Variants in CEP20 observed in about 807,000 individuals in gnomAD.
CEP20 encodes centrosomal protein 20.
CEP20 carries 18 observed loss-of-function variants against 20.0 expected under a neutral mutation model. The observed-to-expected ratio is 0.90, with a 90% confidence interval of 0.62 to 1.34. The LOEUF (loss-of-function observed/expected upper bound fraction) is 1.34, where lower values mean the gene tolerates loss of function less well. Among genes scored for constraint, CEP20 ranks in the 40% most tolerant of loss-of-function variants. The pLI is 0.00. For missense variants in CEP20, 215 were observed against 201.6 expected (o/e 1.07, Z -0.40); for synonymous variants, 77 against 73.7 (o/e 1.04, Z -0.23).
intron 2 of CEP20, among the ~76,000 whole-genome samples, chr16:15,881,606 A>AATCC (rs2045099171): frequency 6.6e-6 from 1 of 152,114 alleles, no homozygotes; most frequent in Non-Finnish European, 1.5e-5. Flanking sequence ...GAAACGAGGG[A>AATCC]ATCCGATGAC....
At chr16:15,877,963 G>C (rs2044996668) in intron 3 of CEP20, among the ~76,000 whole-genome samples, 1 of 152,066 alleles carries the variant, frequency 6.6e-6, no homozygotes, top group South Asian at 2.1e-4. Flanking sequence ...AGGAGGCTGA[G>C]GCAGAATCAG....
intron 2 of CEP20, among the ~76,000 whole-genome samples, chr16:15,883,395 T>C (rs2045158471): frequency 6.6e-6 from 1 of 152,050 alleles, no homozygotes; most frequent in South Asian, 2.1e-4. Flanking sequence ...GGTCTCTCTC[T>C]GTTGCCCAGA....
chr16:15,888,587 T>C lies in CEP20; in HGVS notation c.-2A>G. On this transcript the variant is annotated 5_prime_UTR_variant, in exon 1 of 5. Coordinates refer to ENST00000255759, the MANE Select transcript of CEP20 (RefSeq NM_144600.4). ...CTTCAACTCTGCCACAGTCGCCATTTTTCAACGGCCGCCAGGGCCGCACCG... is the reference window on the plus strand; with the variant it reads ...CTTCAACTCTGCCACAGTCGCCATTCTTCAACGGCCGCCAGGGCCGCACCG... The C allele has an allele frequency of 1.2e-6, 2 of 1,614,124 alleles. No individual in the cohort carries two copies. Among genetic ancestry groups the C allele is most frequent in the Non-Finnish European group, 8.5e-7 (1 of 1,180,014 alleles).
chr16:15,881,227 T>C (rs1567240428), intron 2 of CEP20, among the ~76,000 whole-genome samples: 1 of 152,160 alleles, frequency 6.6e-6, no homozygotes, highest in Non-Finnish European at 1.5e-5. Flanking sequence ...TTTTATTGTA[T>C]GTAAATTATA....
intron 3 of CEP20, among the ~76,000 whole-genome samples, chr16:15,876,952 C>T (rs903333990): frequency 2.6e-5 from 4 of 151,244 alleles, no homozygotes; most frequent in Admixed American, 1.3e-4. Context: ...CCCCGTTTGA[C>T]GCCCATTTTC....
rs191608547 is a variant in CEP20 at position 15,878,333 on chromosome 16, G to A, written c.311+1471C>T. 2.6e-4 allele frequency among the ~76,000 whole-genome samples: 39 copies of A among 152,246 alleles called. 1 individual carries two copies. The highest frequency in any genetic ancestry group is 9.1e-4 in the African/African-American group (38 of 41,546). On this transcript the variant is annotated intron_variant, in intron 3 of 4. Coordinates refer to ENST00000255759, the MANE Select transcript of CEP20 (RefSeq NM_144600.4). The stretch of plus-strand genomic sequence containing the variant: ...ATAGAACAACAGACGGGTAGAAAGA[G>A]GTGTAAAGTGCTACGCTAAGCAACA...
In CEP20 at chr16:15,867,118, G is replaced by C. The variant is rs1374373082; in HGVS notation, c.*322C>G. 1.1e-5 allele frequency: 2 copies of C among 188,118 alleles called. No individual in the cohort carries two copies. Among genetic ancestry groups the C allele is most frequent in the Non-Finnish European group, 2.2e-5 (2 of 89,822 alleles). The allele number at this position is 188,118 out of a possible 1,614,324, so 11.7% of individuals were successfully genotyped here. On this transcript the variant is annotated 3_prime_UTR_variant, in exon 5 of 5. Coordinates refer to ENST00000255759, the MANE Select transcript of CEP20 (RefSeq NM_144600.4). ...AGCTACTTGGGAGGCTGAGGCAGGA[G>C]AATCACTTGAATCCGGGAGGCAGAG...
intron 4 of CEP20, among the ~76,000 whole-genome samples, chr16:15,869,600 C>G (rs1363318499): frequency 6.6e-6 from 1 of 152,028 alleles, no homozygotes; most frequent in Admixed American, 6.6e-5. Context: ...GGTGAGCTGC[C>G]GTGGCCTGGC....
intron 4 of CEP20, among the ~76,000 whole-genome samples, chr16:15,869,413 C>T (rs58848918): frequency 1.3e-5 from 2 of 150,914 alleles, no homozygotes; most frequent in Non-Finnish European, 2.9e-5. Flanking sequence ...TGGGTTCAAG[C>T]GATTTTCCTG....
chr16:15,866,249 A>G lies in CEP20; in HGVS notation c.*1191T>C, dbSNP rs1040343089. The stretch of plus-strand genomic sequence containing the variant: ...GCCAAACAGAAAATCAAAAGTTTCA[A>G]CAATTTGCAAAGCAGCACAGAATTG... On this transcript the variant is annotated 3_prime_UTR_variant, in exon 5 of 5. Coordinates refer to ENST00000255759, the MANE Select transcript of CEP20 (RefSeq NM_144600.4). 4 of 152,244 alleles carry G rather than the reference A, an allele frequency of 2.6e-5. No individual in the cohort carries two copies. Among genetic ancestry groups the G allele is most frequent in the Non-Finnish European group, 5.9e-5 (4 of 68,034 alleles). The allele number at this position is 152,244 out of a possible 1,614,324, so 9.4% of individuals were successfully genotyped here. A position where few individuals can be genotyped will look rare whatever the true frequency, so the allele number is the denominator to read the frequency against.
At chr16:15,869,032 C>A (rs1279027575) in intron 4 of CEP20, among the ~76,000 whole-genome samples, 1 of 150,594 alleles carries the variant, frequency 6.6e-6, no homozygotes, top group Non-Finnish European at 1.5e-5. Context: ...TGTGTCACTG[C>A]ACTCCAGCCT....
At position 15,873,915 on chromosome 16, in the gene CEP20, T is replaced by A. The variant is rs533266215; in HGVS notation, c.312-288A>T. ...TTTCTATCAATCCACAGGAATCTCT[T>A]TTAAACTCCAAAGTCCAGTAGAGTA... is the stretch of plus-strand genomic sequence containing the variant. On this transcript the variant is annotated intron_variant, in intron 3 of 4. Coordinates refer to ENST00000255759, the MANE Select transcript of CEP20 (RefSeq NM_144600.4). Among the ~76,000 whole-genome samples the A allele has an allele frequency of 2.0e-5, 3 of 151,122 alleles. No homozygotes were observed. In the South Asian group the frequency reaches 6.3e-4, roughly 31 times the overall value.
intron 4 of CEP20, among the ~76,000 whole-genome samples, chr16:15,871,532 C>A (rs1382625620): frequency 6.6e-6 from 1 of 152,066 alleles, no homozygotes; most frequent in Non-Finnish European, 1.5e-5. Flanking sequence ...AGTTCCTTAC[C>A]AATCCCTAAA....
rs60244915 is a variant in CEP20, at chr16:15,867,512, G to A, written c.453C>T (p.Asp151=). 0.053 allele frequency: 84,174 copies of A among 1,584,924 alleles called. 3,200 individuals carry two copies. Among genetic ancestry groups the A allele is most frequent in the East Asian group, 0.2 (8,680 of 43,978 alleles). ...RQPSRRKPMD[D]HLRKEEQKST... ...TTTTCTGTTCCTCCTTTCTTAGGTG[G>A]TCATCTGAAATGCACAGAAACCAAT... The change falls in exon 5 of 5, where the codon GAC becomes GAT. Residue 151 remains aspartate, a synonymous_variant. Transcript: ENST00000255759.
At chr16:15,887,320 TTA>T (rs1306789309) in intron 1 of CEP20, among the ~76,000 whole-genome samples, 1 of 151,688 alleles carries the variant, frequency 6.6e-6, no homozygotes, top group Admixed American at 6.6e-5. Flanking sequence ...CTGTTCTGTT[TTA>T]TGATTGTTCA....
chr16:15,886,022 CCA>C (rs1297258808), intron 1 of CEP20: 1 of 152,226 alleles, frequency 6.6e-6, no homozygotes, highest in African/African-American at 2.4e-5. Context: ...CACATCTCAT[CCA>C]CAGAGTCAAG....
At chr16:15,886,955 G>A (rs2045261411) in intron 1 of CEP20, among the ~76,000 whole-genome samples, 1 of 151,464 alleles carries the variant, frequency 6.6e-6, no homozygotes, top group South Asian at 2.1e-4. Context: ...CTGGAGTGCA[G>A]TGGCACCACT....
chr16:15,886,812 A>G (rs2045258079), intron 1 of CEP20, among the ~76,000 whole-genome samples: 2 of 152,116 alleles, frequency 1.3e-5, no homozygotes, highest in Non-Finnish European at 2.9e-5. Context: ...TCCCTCTATT[A>G]TGCTTAGAAC....
In CEP20 at chr16:15,888,597, C is replaced by T. The variant is rs370143085; in HGVS notation, c.-12G>A. 54 of 1,614,028 alleles carry T rather than the reference C, an allele frequency of 3.3e-5. 1 individual carries two copies. In the East Asian group the frequency reaches 7.1e-4, roughly 21 times the overall value. ...GCCACAGTCGCCATTTTTCAACGGC[C>T]GCCAGGGCCGCACCGCGGCCCTGCG... On this transcript the variant is annotated 5_prime_UTR_variant, in exon 1 of 5. Coordinates refer to ENST00000255759, the MANE Select transcript of CEP20 (RefSeq NM_144600.4).
Sources: gnomAD v4.1 joint callset for allele counts (sites outside exome capture counted in the v4.1 genomes callset) on GRCh38, gnomAD v4.1.1 for gene constraint, MANE v1.5 for transcripts, NCBI Gene and HGNC (gene_info 2026-07-23, HGNC 2026-07-21) for gene names.